CFAP299: variants seen among roughly 807,000 people sequenced by gnomAD.
CFAP299 encodes cilia and flagella associated protein 299, also known as cilia- and flagella-associated protein 299.
CFAP299 carries 21 observed loss-of-function variants against 27.0 expected under a neutral mutation model. That is an observed-to-expected ratio of 0.78 (90% CI 0.55 to 1.12). The LOEUF is 1.12. CFAP299 is among the 50% of genes most tolerant of loss of function. CFAP299 has a pLI of 0.00. For synonymous variants in CFAP299, 104 were observed against 98.1 expected, an observed-to-expected ratio of 1.06 and a Z score of -0.36; for missense variants, 310 against 276.6, an observed-to-expected ratio of 1.12 and a Z score of -0.86.
chr4:80,613,341 A>T (rs1738097490), intron 3 of CFAP299, among the ~76,000 whole-genome samples: 1 of 152,090 alleles, frequency 6.6e-6, no homozygotes, highest in South Asian at 2.1e-4. Context: ...GGAACCTCTC[A>T]TTTTCTAAGG....
intron 2 of CFAP299, among the ~76,000 whole-genome samples, chr4:80,412,976 A>G (rs1251038425): frequency 6.6e-6 from 1 of 152,194 alleles, no homozygotes. Flanking sequence ...TCAGGTTTAG[A>G]ATTTATTATA....
intron 2 of CFAP299, among the ~76,000 whole-genome samples, chr4:80,499,775 T>C (rs1435408327): frequency 6.6e-6 from 1 of 152,138 alleles, no homozygotes. Context: ...ATATTTTTTT[T>C]CCTAGGATAA....
At chr4:80,842,929 C>T (rs577157734) in intron 3 of CFAP299, among the ~76,000 whole-genome samples, 14 of 152,170 alleles carry the variant, frequency 9.2e-5, no homozygotes, top group Non-Finnish European at 2.1e-4. Flanking sequence ...TGCCAATGTA[C>T]TGCCTGAAAC....
At chr4:80,649,268 A>G (rs60271967) in intron 3 of CFAP299, 1 of 152,266 alleles carries the variant, frequency 6.6e-6, no homozygotes, top group African/African-American at 2.4e-5. Context: ...GAGTTTAGAA[A>G]TGATAATTTA....
chr4:80,885,089 A>G (rs1733909499), intron 4 of CFAP299, among the ~76,000 whole-genome samples: 1 of 152,134 alleles, frequency 6.6e-6, no homozygotes, highest in Admixed American at 6.5e-5. Flanking sequence ...CATTGAACTC[A>G]GTGCTGCCCT....
chr4:80,690,039 A>G (rs1374353076), intron 3 of CFAP299, among the ~76,000 whole-genome samples: 2 of 149,158 alleles, frequency 1.3e-5, no homozygotes, highest in African/African-American at 5.2e-5. Flanking sequence ...CCAGATTCAT[A>G]AAGCAAGTCC....
At chr4:80,570,044 G>C (rs1200161625) in intron 2 of CFAP299, among the ~76,000 whole-genome samples, 2 of 151,914 alleles carry the variant, frequency 1.3e-5, no homozygotes, top group Non-Finnish European at 2.9e-5. Context: ...TATCATAAAT[G>C]CTCAGTCATT....
intron 2 of CFAP299, among the ~76,000 whole-genome samples, chr4:80,427,085 G>A (rs568429952): frequency 1.6e-4 from 25 of 152,168 alleles, no homozygotes; most frequent in Non-Finnish European, 2.9e-4. Context: ...GATGCTTTGA[G>A]GAAAACGGGA....
intron 4 of CFAP299, among the ~76,000 whole-genome samples, chr4:80,933,684 TG>T: frequency 6.6e-6 from 1 of 152,260 alleles, no homozygotes; most frequent in Non-Finnish European, 1.5e-5. Context: ...AGTTTGTTTT[TG>T]AGGGTACTAT....
chr4:80,776,567 C>T (rs2110087658), intron 3 of CFAP299, among the ~76,000 whole-genome samples: 1 of 152,018 alleles, frequency 6.6e-6, no homozygotes. Context: ...AGGGGAACAT[C>T]ACACACCCGG....
intron 2 of CFAP299, among the ~76,000 whole-genome samples, chr4:80,532,650 T>C (rs1174706134): frequency 6.6e-6 from 1 of 152,242 alleles, no homozygotes; most frequent in African/African-American, 2.4e-5. Context: ...ATTATATAAA[T>C]CCCATTAAAT....
At chr4:80,811,361 G>A (rs1729144705) in intron 3 of CFAP299, among the ~76,000 whole-genome samples, 2 of 152,100 alleles carry the variant, frequency 1.3e-5, no homozygotes, top group Middle Eastern at 3.4e-3. Context: ...GATTAGCTAT[G>A]GTAATAATTT....
intron 2 of CFAP299, among the ~76,000 whole-genome samples, chr4:80,567,415 A>T (rs941894485): frequency 1.3e-5 from 2 of 152,042 alleles, no homozygotes; most frequent in African/African-American, 4.8e-5. Flanking sequence ...TTCCATGGAG[A>T]TCACTGTATT....
At chr4:80,513,252 C>T (rs1353057733) in intron 2 of CFAP299, among the ~76,000 whole-genome samples, 1 of 152,060 alleles carries the variant, frequency 6.6e-6, no homozygotes, top group African/African-American at 2.4e-5. Flanking sequence ...TATACTTAAA[C>T]AATTCTGAAA....
intron 2 of CFAP299, among the ~76,000 whole-genome samples, chr4:80,393,511 A>G (rs1055407199): frequency 1.3e-5 from 2 of 152,138 alleles, no homozygotes; most frequent in Admixed American, 1.3e-4. Flanking sequence ...TGCCCTATAC[A>G]TGTATATAAT....
At chr4:80,418,921 A>G (rs1329870662) in intron 2 of CFAP299, among the ~76,000 whole-genome samples, 1 of 152,168 alleles carries the variant, frequency 6.6e-6, no homozygotes, top group African/African-American at 2.4e-5. Context: ...TTGATTCTAT[A>G]ACTTGGCCAT....
chr4:80,482,676 T>G (rs866973415), intron 2 of CFAP299, among the ~76,000 whole-genome samples: 15 of 152,292 alleles, frequency 9.8e-5, no homozygotes, highest in African/African-American at 3.6e-4. Context: ...GTGCTCATGC[T>G]CTTACCTAAT....
intron 3 of CFAP299, among the ~76,000 whole-genome samples, chr4:80,853,667 A>C (rs980077497): frequency 1.3e-5 from 2 of 152,194 alleles, no homozygotes; most frequent in East Asian, 3.9e-4. Context: ...GGTTGGAAAA[A>C]TATGCAAGAA....
At chr4:80,857,613 GA>G (rs1348948111) in intron 3 of CFAP299, among the ~76,000 whole-genome samples, 2 of 152,182 alleles carry the variant, frequency 1.3e-5, no homozygotes, top group African/African-American at 4.8e-5. Flanking sequence ...TTTTTAGCAT[GA>G]AGCGTTGTTG....
Sources: allele counts gnomAD v4.1 joint callset (sites outside exome capture counted in the v4.1 genomes callset), GRCh38; gene constraint gnomAD v4.1.1; transcripts MANE v1.5; gene names NCBI Gene and HGNC (gene_info 2026-07-23, HGNC 2026-07-21).